HERC2: variants seen among roughly 807,000 people sequenced by gnomAD.
The protein encoded by HERC2 is HECT and RLD domain containing E3 ubiquitin protein ligase 2, also known as E3 ubiquitin-protein ligase HERC2.
A neutral mutation model predicts 537.7 loss-of-function variants in HERC2; 102 were observed. That is an observed-to-expected ratio of 0.19 (90% CI 0.16 to 0.22). HERC2 has a LOEUF of 0.22. HERC2 is among the 10% of genes least tolerant of loss of function. The pLI is 1.00. For synonymous variants in HERC2, 2,224 were observed against 2,466.2 expected (o/e 0.90, Z 2.91); for missense variants, 4,236 against 6,198.2 (o/e 0.68, Z 10.63).
chr15:28,305,450 G>C lies in HERC2; in HGVS notation c.73-5934C>G, dbSNP rs1305271318. Among the ~76,000 whole-genome samples the C allele has an allele frequency of 3.0e-5, 4 of 135,388 alleles. No individual in the cohort carries two copies. The East Asian group carries it at 8.1e-4, about 27-fold the overall frequency. 88.8% of individuals were successfully genotyped at this position (135,388 alleles called of 152,430 possible). On this transcript the variant is annotated intron_variant, in intron 2 of 92. Coordinates refer to ENST00000261609, the MANE Select transcript of HERC2 (RefSeq NM_004667.6). ...GGAAAGGATTCCCTATTTAATAAAT[G>C]GTGCTGGGAAAACTGGCTAGCCATA...
At chr15:28,183,374 T>C (rs1227861511) in intron 56 of HERC2, among the ~76,000 whole-genome samples, 1 of 144,136 alleles carries the variant, frequency 6.9e-6, no homozygotes, top group African/African-American at 3.0e-5. Context: ...CATGCCCAGC[T>C]AATTTTTGCA....
intron 4 of HERC2, among the ~76,000 whole-genome samples, chr15:28,291,808 G>A (rs900496140): frequency 6.7e-6 from 1 of 149,600 alleles, no homozygotes; most frequent in Admixed American, 6.7e-5. Flanking sequence ...GGAAGGCTGA[G>A]GCAGGAGAAT....
chr15:28,144,947 C>CAGTG, intron 71 of HERC2, 143 bp from the exon 72 acceptor site: 1 of 970,674 alleles, frequency 1.0e-6, no homozygotes, highest in Non-Finnish European at 1.6e-6. Flanking sequence ...CCGAAGTGCA[C>CAGTG]AGTGACACAA....
intron 38 of HERC2, among the ~76,000 whole-genome samples, chr15:28,217,003 C>T (rs1473317493): frequency 6.6e-6 from 1 of 152,084 alleles, no homozygotes; most frequent in African/African-American, 2.4e-5. Flanking sequence ...GCAAAATGCT[C>T]ACATTCACTC....
At position 28,113,565 on chromosome 15, in the gene HERC2, C is replaced by G. The variant is rs371500499; in HGVS notation, c.14019+8G>C. Reference sequence around the variant, plus strand: ...CTGCAGGGCAGCCCCACCTGGGGGTCGGCATACCATCGTCTCCAGTTCGTA... The same window carrying G: ...CTGCAGGGCAGCCCCACCTGGGGGTGGGCATACCATCGTCTCCAGTTCGTA... On this transcript the variant is annotated splice_region_variant and intron_variant, in intron 91 of 92. Transcript: ENST00000261609. The surrounding 1 kb of genome is among the most constrained non-coding windows in gnomAD (Gnocchi z 7.0). 5 of 1,611,876 alleles carry G rather than the reference C, an allele frequency of 3.1e-6. No individual in the cohort carries two copies. The highest frequency in any genetic ancestry group is 4.2e-6 in the Non-Finnish European group (5 of 1,178,234).
In HERC2 at chr15:28,186,851, G is replaced by A. The variant is rs75921437; in HGVS notation, c.8650-99C>T. The A allele has an allele frequency of 1.0e-3, 744 of 726,940 alleles. 2 individuals are homozygous for A. Among genetic ancestry groups the A allele is most frequent in the Non-Finnish European group, 1.4e-3 (635 of 445,136 alleles). The allele number at this position is 726,940 out of a possible 1,614,324, so 45.0% of individuals were successfully genotyped here. A position where few individuals can be genotyped will look rare whatever the true frequency, so the allele number is the denominator to read the frequency against. ...GTGTGAGACACGAACATGTACACACGGTTAGAGCTCCTTTACTTCAGTTCT... is the reference window on the plus strand; with the variant it reads ...GTGTGAGACACGAACATGTACACACAGTTAGAGCTCCTTTACTTCAGTTCT... On this transcript the variant is annotated intron_variant, in intron 55 of 92. Coordinates refer to ENST00000261609, the MANE Select transcript of HERC2 (RefSeq NM_004667.6).
intron 35 of HERC2, among the ~76,000 whole-genome samples, chr15:28,224,672 C>T (rs1283893544): frequency 6.6e-6 from 1 of 152,130 alleles, no homozygotes; most frequent in African/African-American, 2.4e-5. Flanking sequence ...TAGACATATA[C>T]AGAACATCTC....
At chr15:28,202,692 T>C in intron 45 of HERC2, 78 bp from the exon 46 acceptor site, 2 of 473,220 alleles carry the variant, frequency 4.2e-6, no homozygotes, top group Non-Finnish European at 7.2e-6. Context: ...ACAGGGGTGA[T>C]GGCCTTCTAC....
At position 28,153,787 on chromosome 15, in the gene HERC2, G is replaced by A. The variant is rs527786706; in HGVS notation, c.10747-957C>T. Among the ~76,000 whole-genome samples the A allele has an allele frequency of 1.1e-4, 16 of 152,308 alleles. No homozygotes were observed. In the East Asian group the frequency reaches 3.1e-3, roughly 29 times the overall value. Reference sequence around the variant, plus strand: ...CAAGACAAGATTACTTCCTAGTGAGGAAAGTTGGCCTCGGAAACAAAAACA... The same window carrying A: ...CAAGACAAGATTACTTCCTAGTGAGAAAAGTTGGCCTCGGAAACAAAAACA... On this transcript the variant is annotated intron_variant, in intron 69 of 92. Transcript: ENST00000261609.
At chr15:28,198,825 C>T (rs977509712) in intron 48 of HERC2, 56 bp from the exon 49 acceptor site, 3 of 1,449,732 alleles carry the variant, frequency 2.1e-6, no homozygotes, top group African/African-American at 2.8e-5. Flanking sequence ...GTGAAATGAG[C>T]CATGATAAGT....
chr15:28,293,136 G>C, intron 3 of HERC2, 114 bp from the exon 4 acceptor site: 1 of 868,526 alleles, frequency 1.2e-6, no homozygotes, highest in Non-Finnish European at 1.8e-6. Context: ...CTGAATGTTG[G>C]ACAACGTAAA....
intron 77 of HERC2, 48 bp downstream of exon 77, chr15:28,141,682 GC>G (rs1891239832): frequency 6.2e-7 from 1 of 1,608,306 alleles, no homozygotes; most frequent in Non-Finnish European, 8.5e-7. Flanking sequence ...AATGCACACA[GC>G]CTCTCACACT....
intron 2 of HERC2, among the ~76,000 whole-genome samples, chr15:28,302,017 C>A (rs2141216561): frequency 6.7e-6 from 1 of 149,370 alleles, no homozygotes; most frequent in Non-Finnish European, 1.5e-5. Context: ...CCAGGATGGT[C>A]TGGGTCTCTT....
At chr15:28,116,629 C>T (rs1282319099) in intron 88 of HERC2, 36 bp downstream of exon 88, 1 of 1,567,818 alleles carries the variant, frequency 6.4e-7, no homozygotes, top group East Asian at 2.3e-5. Context: ...AGGCACAGGC[C>T]ACAGCGACAC....
intron 37 of HERC2, among the ~76,000 whole-genome samples, chr15:28,219,331 T>A (rs531007612): frequency 6.6e-6 from 1 of 152,342 alleles, no homozygotes; most frequent in Non-Finnish European, 1.5e-5. Context: ...GGGCCACCCC[T>A]GCCCAGGCTC....
At chr15:28,308,197 T>G (rs2076844943) in intron 2 of HERC2, among the ~76,000 whole-genome samples, 1 of 152,242 alleles carries the variant, frequency 6.6e-6, no homozygotes, top group Non-Finnish European at 1.5e-5. Context: ...ATGAAATATT[T>G]TTCCATCTTT....
At chr15:28,310,111 T>C (rs958347778) in intron 2 of HERC2, among the ~76,000 whole-genome samples, 3 of 152,226 alleles carry the variant, frequency 2.0e-5, no homozygotes, top group African/African-American at 4.8e-5. Flanking sequence ...TTAAAACCAA[T>C]CTAGGCAACA....
intron 25 of HERC2, among the ~76,000 whole-genome samples, chr15:28,237,456 A>G (rs573130965): frequency 6.6e-6 from 1 of 152,370 alleles, no homozygotes; most frequent in East Asian, 1.9e-4. Context: ...ACATGCATAA[A>G]GAACCCACTG....
Position 28,246,812 on chromosome 15 carries a change from G to A in HERC2, c.3321C>T (p.Ala1107=), listed in dbSNP as rs145261792. The change falls in exon 22 of 93, where the codon GCC becomes GCT. Residue 1107 remains alanine (A), a synonymous_variant. Transcript: ENST00000261609. ...CTHIGDILPV[A]ASIASTSWRH... is the part of the protein sequence containing the mutation. ...GCCAGCTGGTAGAAGCAATGCTGGC[G>A]GCCACAGGCAGTATATCTCCAATGT... 162 of 1,610,138 alleles carry A rather than the reference G, an allele frequency of 1.0e-4. 1 individual carries two copies. In the African/African-American group the frequency reaches 1.1e-3, roughly 11 times the overall value.
Sources: allele counts gnomAD v4.1 joint callset (sites outside exome capture counted in the v4.1 genomes callset), GRCh38; gene constraint gnomAD v4.1.1; non-coding constraint Gnocchi (gnomAD v3.1); transcripts MANE v1.5; gene names NCBI Gene and HGNC (gene_info 2026-07-23, HGNC 2026-07-21).